ANK1: variants seen among roughly 807,000 people sequenced by gnomAD.
The protein encoded by ANK1 is ankyrin-1.
In ANK1, 51 loss-of-function variants were observed where a neutral mutation model predicts 210.4. The observed-to-expected ratio is 0.24, with a 90% CI of 0.19 to 0.31. The LOEUF (loss-of-function observed/expected upper bound fraction) is 0.31. ANK1 is among the 10% of genes least tolerant of loss of function. The probability of loss-of-function intolerance (pLI) is 1.00; values close to 1 mark genes in which losing one functional copy is unlikely to be tolerated. For synonymous variants in ANK1, 967 were observed against 1,025.9 expected, an observed-to-expected ratio of 0.94 and a Z score of 1.10; for missense variants, 2,051 against 2,504.4, an observed-to-expected ratio of 0.82 and a Z score of 3.86.
intron 31 of ANK1, 38 bp from the exon 32 acceptor site, chr8:41,690,637 G>C: frequency 6.2e-7 from 1 of 1,604,370 alleles, no homozygotes; most frequent in Non-Finnish European, 8.5e-7. Context: ...TTGTCAGGGA[G>C]AGAAGGGCCC....
Position 41,843,327 on chromosome 8 carries a change from T to C in ANK1, c.126+53028A>G, listed in dbSNP as rs533690918. 3.3e-5 allele frequency among the ~76,000 whole-genome samples: 5 copies of C among 152,338 alleles called. No individual in the cohort carries two copies. The East Asian group carries it at 9.6e-4, about 29-fold the overall frequency. The stretch of plus-strand genomic sequence containing the variant: ...GTTGTGAAGTATAGTCACCCTGCTC[T>C]GCGATCAGACATTGAATCTGCTCCA... On this transcript the variant is annotated intron_variant, in intron 1 of 42. Coordinates refer to the ANK1 transcript ENST00000265709.
intron 1 of ANK1, among the ~76,000 whole-genome samples, chr8:41,880,273 T>C (rs188127910): frequency 1.3e-5 from 2 of 152,296 alleles, no homozygotes; most frequent in African/African-American, 4.8e-5. Flanking sequence ...AGCTGAGTAT[T>C]TGCAACAGAG....
intron 1 of ANK1, among the ~76,000 whole-genome samples, chr8:41,866,457 G>A (rs1814479113): frequency 6.6e-6 from 1 of 152,232 alleles, no homozygotes; most frequent in Non-Finnish European, 1.5e-5. Flanking sequence ...GCCTCCCAAA[G>A]TGCTGAGATG....
At chr8:41,872,543 T>G (rs1286891859) in intron 1 of ANK1, among the ~76,000 whole-genome samples, 1 of 152,160 alleles carries the variant, frequency 6.6e-6, no homozygotes, top group East Asian at 1.9e-4. Context: ...TCATGCCCAG[T>G]GAAGGTGGCA....
chr8:41,717,735 G>T, intron 11 of ANK1, 33 bp from the exon 12 acceptor site: 2 of 1,515,248 alleles, frequency 1.3e-6, no homozygotes, highest in Non-Finnish European at 9.0e-7. Flanking sequence ...CCGATAAGTG[G>T]GAGTCTTTCC....
At chr8:41,886,241 G>A (rs1322027279) in intron 1 of ANK1, among the ~76,000 whole-genome samples, 1 of 152,234 alleles carries the variant, frequency 6.6e-6, no homozygotes, top group African/African-American at 2.4e-5. Flanking sequence ...GTGGATATGG[G>A]TGGGAGCTGA....
At chr8:41,714,931 G>C (rs1827201842) in intron 15 of ANK1, 45 bp downstream of exon 15, 1 of 1,578,494 alleles carries the variant, frequency 6.3e-7, no homozygotes, top group Non-Finnish European at 8.7e-7. Flanking sequence ...CTCTGTCCTT[G>C]CCTCTAACCT....
intron 1 of ANK1, among the ~76,000 whole-genome samples, chr8:41,824,671 C>A (rs1040273477): frequency 3.9e-5 from 6 of 152,150 alleles, no homozygotes; most frequent in African/African-American, 1.4e-4. Context: ...CAATCTGGGG[C>A]TCTAGGAAAG....
At chr8:41,734,205 G>T in intron 2 of ANK1, 136 bp from the exon 3 acceptor site, 1 of 812,592 alleles carries the variant, frequency 1.2e-6, no homozygotes, top group Non-Finnish European at 2.1e-6. Flanking sequence ...GTGTCTAGAG[G>T]TTGGAAGGGG....
intron 1 of ANK1, among the ~76,000 whole-genome samples, chr8:41,791,586 C>T (rs1424262131): frequency 6.6e-6 from 1 of 152,180 alleles, no homozygotes; most frequent in Non-Finnish European, 1.5e-5. Flanking sequence ...CGCACGCCAC[C>T]ATGCCCAGCT....
intron 1 of ANK1, among the ~76,000 whole-genome samples, chr8:41,782,746 C>T (rs779221902): frequency 2.6e-5 from 4 of 152,190 alleles, no homozygotes; most frequent in Non-Finnish European, 5.9e-5. Context: ...GTTAGAGCCT[C>T]TCTAATCACC....
At chr8:41,737,623 G>C (rs913878761) in intron 2 of ANK1, among the ~76,000 whole-genome samples, 2 of 152,100 alleles carry the variant, frequency 1.3e-5, no homozygotes, top group African/African-American at 4.8e-5. Flanking sequence ...TCCTTCTTAT[G>C]ATTTTTAAAA....
chr8:41,827,916 A>G (rs1224242088), intron 1 of ANK1, among the ~76,000 whole-genome samples: 1 of 151,700 alleles, frequency 6.6e-6, no homozygotes. Flanking sequence ...ACGTGCACAC[A>G]CCCACATACA....
intron 9 of ANK1, among the ~76,000 whole-genome samples, chr8:41,720,699 C>T (rs529492334): frequency 6.6e-6 from 1 of 151,924 alleles, no homozygotes; most frequent in African/African-American, 2.4e-5. Flanking sequence ...AGATGGCGTC[C>T]CTGATGAAGG....
At chr8:41,780,138 G>T (rs1233958647) in intron 1 of ANK1, among the ~76,000 whole-genome samples, 1 of 152,144 alleles carries the variant, frequency 6.6e-6, no homozygotes, top group African/African-American at 2.4e-5. Flanking sequence ...TCCTCCCAGG[G>T]CCTCCCTAGG....
chr8:41,784,960 T>C (rs1846051147), intron 1 of ANK1, among the ~76,000 whole-genome samples: 1 of 152,218 alleles, frequency 6.6e-6, no homozygotes, highest in African/African-American at 2.4e-5. Context: ...TTCCAAGGGT[T>C]CCATCTGAAA....
At chr8:41,834,667 G>T (rs1807288029) in intron 1 of ANK1, among the ~76,000 whole-genome samples, 1 of 152,188 alleles carries the variant, frequency 6.6e-6, no homozygotes, top group Admixed American at 6.5e-5. Context: ...GATCCTGAAG[G>T]CTTCGAAGAG....
chr8:41,769,977 C>CT (rs59542968), intron 1 of ANK1, among the ~76,000 whole-genome samples: 26,292 of 87,212 alleles, frequency 0.3, 4,664 homozygotes, highest in East Asian at 0.55. Context: ...TTTCTTTTTT[C>CT]TTTTTTTTTT....
intron 9 of ANK1, 94 bp downstream of exon 9, chr8:41,723,031 G>A: frequency 9.0e-7 from 1 of 1,106,908 alleles, no homozygotes; most frequent in African/African-American, 1.5e-5. Context: ...AGTAGTATTA[G>A]CATCTCTGTT....
Sources: allele counts gnomAD v4.1 joint callset (sites outside exome capture counted in the v4.1 genomes callset), GRCh38; gene constraint gnomAD v4.1.1; transcripts MANE v1.5; gene names NCBI Gene and HGNC (gene_info 2026-07-23, HGNC 2026-07-21).